The following TRIM14 variants were observed in gnomAD, a reference collection of about 807,000 sequenced individuals.
The protein encoded by TRIM14 is tripartite motif-containing protein 14.
TRIM14 carries 28 observed loss-of-function variants against 44.5 expected under a neutral mutation model. That is an observed-to-expected ratio of 0.63 (90% CI 0.47 to 0.86). The LOEUF is 0.86. Among genes scored for constraint, TRIM14 ranks in the 40% least tolerant of loss-of-function variants. TRIM14 has a pLI of 0.00. For synonymous variants in TRIM14, 299 were observed against 269.2 expected, an observed-to-expected ratio of 1.11 and a Z score of -1.08; for missense variants, 607 against 611.1, an observed-to-expected ratio of 0.99 and a Z score of 0.07.
chr9:98,085,166 A>T lies in TRIM14; in HGVS notation c.*2304T>A, dbSNP rs1825730951. The T allele has an allele frequency of 6.6e-6, 1 of 152,330 alleles. No homozygotes were observed. Among genetic ancestry groups the T allele is most frequent in the Non-Finnish European group, 1.5e-5 (1 of 68,124 alleles). The allele number at this position is 152,330 out of a possible 1,614,324, so 9.4% of individuals were successfully genotyped here. ...GTCCAAAGGTAGACTCAAGTCTCGCAGAGTAACCAGGCACTAGGAAAGCAT... is the reference window on the plus strand; with the variant it reads ...GTCCAAAGGTAGACTCAAGTCTCGCTGAGTAACCAGGCACTAGGAAAGCAT... On this transcript the variant is annotated 3_prime_UTR_variant, in exon 6 of 6. Coordinates refer to ENST00000341469, the MANE Select transcript of TRIM14 (RefSeq NM_014788.4).
downstream of TRIM14, chr9:98,081,956 T>C (rs1436667016): frequency 6.6e-6 from 1 of 152,186 alleles, no homozygotes; most frequent in East Asian, 1.9e-4. Flanking sequence ...AGCTGAGCAC[T>C]TAATTTGGCT....
downstream of TRIM14, among the ~76,000 whole-genome samples, chr9:98,066,399 A>G (rs1483255648): frequency 6.6e-6 from 1 of 152,166 alleles, no homozygotes; most frequent in Non-Finnish European, 1.5e-5. Flanking sequence ...GTGTGATGAC[A>G]TCATTCCTCT....
chr9:98,106,930 G>A (rs768115535), intron 2 of TRIM14, among the ~76,000 whole-genome samples: 8 of 151,014 alleles, frequency 5.3e-5, no homozygotes, highest in Admixed American at 4.0e-4. Flanking sequence ...GAGCTCAAGC[G>A]ATCCTCCCAC....
downstream of TRIM14, among the ~76,000 whole-genome samples, chr9:98,068,387 T>G (rs1266245853): frequency 6.6e-6 from 1 of 151,968 alleles, no homozygotes; most frequent in East Asian, 1.9e-4. Flanking sequence ...TGATCTGCCT[T>G]CCTCGGCCTC....
chr9:98,110,239 G>A (rs1049572518), intron 1 of TRIM14: 3 of 462,352 alleles, frequency 6.5e-6, no homozygotes, highest in Non-Finnish European at 1.2e-5. Flanking sequence ...CTTTATCTAG[G>A]ACAAGTCTTG....
At chr9:98,083,207 CCT>C, downstream of TRIM14, 1 of 707,860 alleles carries the variant, frequency 1.4e-6, no homozygotes, top group Non-Finnish European at 2.3e-6. Flanking sequence ...TGGGCTAGGC[CCT>C]GTGTCAGCCC....
chr9:98,093,316 C>T (rs896473610), intron 4 of TRIM14, among the ~76,000 whole-genome samples: 1 of 152,172 alleles, frequency 6.6e-6, no homozygotes, highest in East Asian at 1.9e-4. Context: ...ATACCTCCCC[C>T]AGACGTAACA....
intron 4 of TRIM14, among the ~76,000 whole-genome samples, chr9:98,094,468 T>A (rs1024838253): frequency 6.6e-6 from 1 of 152,110 alleles, no homozygotes; most frequent in South Asian, 2.1e-4. Context: ...GAGTCAGGGC[T>A]GGGCTGGCAG....
intron 2 of TRIM14, among the ~76,000 whole-genome samples, chr9:98,108,808 G>A (rs1826723240): frequency 6.6e-6 from 1 of 151,820 alleles, no homozygotes; most frequent in African/African-American, 2.4e-5. Context: ...CCTGGTCACA[G>A]GAGAAACTGG....
At chr9:98,091,858 ATCCC>A in intron 5 of TRIM14, 47 bp downstream of exon 5, 1 of 1,317,468 alleles carries the variant, frequency 7.6e-7, no homozygotes, top group South Asian at 2.1e-5. Flanking sequence ...TCCACCCAAC[ATCCC>A]ACCATCTCCA....
At chr9:98,078,465 C>A in intron 6 of TRIM14, 1 of 1,294,010 alleles carries the variant, frequency 7.7e-7, no homozygotes, top group Non-Finnish European at 1.1e-6. Context: ...CATCCTTTGA[C>A]AGTCTTGCTG....
chr9:98,115,831 C>G (rs1361523878), intron 1 of TRIM14: 1 of 152,132 alleles, frequency 6.6e-6, no homozygotes, highest in African/African-American at 2.4e-5. Flanking sequence ...TATGATCAGA[C>G]TGCTTTCAGG....
chr9:98,065,835 T>C (rs1175698134), downstream of TRIM14, among the ~76,000 whole-genome samples: 1 of 151,994 alleles, frequency 6.6e-6, no homozygotes, highest in Non-Finnish European at 1.5e-5. Flanking sequence ...ATCTGATGGG[T>C]TTATCAGGGG....
chr9:98,040,638 GC>G, the TRIM14 span, among the ~76,000 whole-genome samples: 1 of 151,512 alleles, frequency 6.6e-6, no homozygotes, highest in Non-Finnish European at 1.5e-5. Flanking sequence ...CTGCCTGGGG[GC>G]AGCTTCACCT....
At chr9:98,107,960 G>T (rs1471838899) in intron 2 of TRIM14, among the ~76,000 whole-genome samples, 1 of 151,998 alleles carries the variant, frequency 6.6e-6, no homozygotes, top group African/African-American at 2.4e-5. Flanking sequence ...GAGCCACCTC[G>T]CTTGGCCTAG....
At chr9:98,101,643 A>G (rs1390991563) in intron 2 of TRIM14, among the ~76,000 whole-genome samples, 1 of 151,382 alleles carries the variant, frequency 6.6e-6, no homozygotes, top group African/African-American at 2.4e-5. Context: ...TGGGTCTTGA[A>G]CTCCTGACCT....
intron 6 of TRIM14, chr9:98,077,088 G>A (rs1188632684): frequency 1.7e-5 from 19 of 1,135,052 alleles, no homozygotes; most frequent in African/African-American, 3.2e-5. Context: ...CCTCATGGTG[G>A]CCCACTTTCA....
At position 98,085,774 on chromosome 9, in the gene TRIM14, A is replaced by C. The variant is rs140412695; in HGVS notation, c.*1696T>G. 2.6e-4 allele frequency: 39 copies of C among 152,292 alleles called. No individual in the cohort carries two copies. Among genetic ancestry groups the C allele is most frequent in the African/African-American group, 9.4e-4 (39 of 41,542 alleles). The allele number at this position is 152,292 out of a possible 1,614,324, so 9.4% of individuals were successfully genotyped here. On this transcript the variant is annotated 3_prime_UTR_variant, in exon 6 of 6. Transcript: ENST00000341469. ...ATTCTGCTACATTGTCTCATATCAA[A>C]AGTGCCATTTTTAACTCAAAAACTA...
At chr9:98,114,341 GT>G (rs566542519) in intron 1 of TRIM14, among the ~76,000 whole-genome samples, 15 of 147,814 alleles carry the variant, frequency 1.0e-4, no homozygotes, top group Middle Eastern at 3.3e-3. Context: ...CAGACAATTT[GT>G]TTTTTTTTTG....
Sources: allele counts gnomAD v4.1 joint callset (sites outside exome capture counted in the v4.1 genomes callset), GRCh38; gene constraint gnomAD v4.1.1; transcripts MANE v1.5; gene names NCBI Gene and HGNC (gene_info 2026-07-23, HGNC 2026-07-21).